Variants in SLC2A7 observed in about 807,000 individuals in gnomAD.
SLC2A7 encodes solute carrier family 2, facilitated glucose transporter member 7.
SLC2A7 carries 50 observed loss-of-function variants against 50.5 expected under a neutral mutation model. The ratio of observed to expected loss-of-function variants is 0.99; its 90% CI spans 0.79 to 1.25. The LOEUF is 1.25. Among genes scored for constraint, SLC2A7 ranks in the 50% most tolerant of loss-of-function variants. SLC2A7 has a pLI of 0.00. For synonymous variants in SLC2A7, 308 were observed against 300.4 expected (o/e 1.03, Z -0.26); for missense variants, 683 against 679.1 (o/e 1.01, Z -0.06).
In SLC2A7 at chr1:9,014,807, C is replaced by T. The variant is rs1281315744; in HGVS notation, c.777G>A (p.Glu259=). The T allele has an allele frequency of 6.2e-7, 1 of 1,604,622 alleles. No homozygotes were observed. The highest frequency in any genetic ancestry group is 8.5e-7 in the Non-Finnish European group (1 of 1,176,564). ...GGCCCTCGGCGCGCTCGGCCCGGGC[C>T]TCCGCACGCATGTCCTCCAGCTCGG... ...MEAELEDMRA[E]ARAERAEGHL... Residue 259 remains glutamate (E), a synonymous_variant, in exon 7 of 12, where the codon GAG becomes GAA. Coordinates refer to ENST00000400906, the MANE Select transcript of SLC2A7 (RefSeq NM_207420.3).
chr1:9,024,603 C>A (rs1303466616), intron 2 of SLC2A7, among the ~76,000 whole-genome samples: 1 of 152,100 alleles, frequency 6.6e-6, no homozygotes, highest in African/African-American at 2.4e-5. Context: ...CTTTTTTCCC[C>A]TTTGCCCCAA....
the SLC2A7 span, among the ~76,000 whole-genome samples, chr1:8,997,896 T>G: frequency 2.0e-5 from 3 of 152,348 alleles, no homozygotes; most frequent in African/African-American, 7.2e-5. Flanking sequence ...GTGCTTTTAG[T>G]GTGTTGTGTA....
At chr1:9,020,699 T>G in intron 3 of SLC2A7, among the ~76,000 whole-genome samples, 1 of 143,948 alleles carries the variant, frequency 6.9e-6, no homozygotes, top group Non-Finnish European at 1.5e-5. Context: ...TGAGATGGAG[T>G]CTTGCTCTGT....
chr1:9,013,837 G>A (rs1021265250), intron 7 of SLC2A7, among the ~76,000 whole-genome samples: 1 of 152,170 alleles, frequency 6.6e-6, no homozygotes, highest in Non-Finnish European at 1.5e-5. Flanking sequence ...GGAATCCAGG[G>A]TCGCAGCTCC....
At chr1:9,024,061 G>A (rs1468787104) in intron 2 of SLC2A7, among the ~76,000 whole-genome samples, 1 of 151,746 alleles carries the variant, frequency 6.6e-6, no homozygotes, top group Non-Finnish European at 1.5e-5. Flanking sequence ...TCACCATGTT[G>A]GCCAGGCTGG....
the SLC2A7 span, among the ~76,000 whole-genome samples, chr1:8,995,379 C>T: frequency 2.7e-5 from 4 of 150,874 alleles, no homozygotes; most frequent in East Asian, 2.0e-4. Context: ...ACCCGGGAGG[C>T]GGAACTTGCA....
chr1:9,017,008 G>A (rs1640840430), intron 5 of SLC2A7, among the ~76,000 whole-genome samples: 1 of 152,048 alleles, frequency 6.6e-6, no homozygotes, highest in South Asian at 2.1e-4. Context: ...CAGGATTCCT[G>A]GGCAGGTCAT....
intron 5 of SLC2A7, 45 bp from the exon 6 acceptor site, chr1:9,015,287 CT>C (rs746929310): frequency 7.2e-6 from 11 of 1,525,212 alleles, no homozygotes; most frequent in Non-Finnish European, 9.6e-6. Flanking sequence ...TGGGCACCCC[CT>C]GGCCCACCTA....
At chr1:9,009,229 G>C (rs1640705131) in intron 9 of SLC2A7, among the ~76,000 whole-genome samples, 1 of 152,238 alleles carries the variant, frequency 6.6e-6, no homozygotes, top group Non-Finnish European at 1.5e-5. Flanking sequence ...AAAGGGCTCA[G>C]GACAGTGCTG....
chr1:9,019,872 C>T (rs1416251869), intron 3 of SLC2A7, among the ~76,000 whole-genome samples: 2 of 151,732 alleles, frequency 1.3e-5, no homozygotes, highest in African/African-American at 4.8e-5. Flanking sequence ...TGCAGTGAGC[C>T]GAGATCGTGC....
chr1:9,001,339 C>G (rs1018213177), downstream of SLC2A7, among the ~76,000 whole-genome samples: 1 of 151,824 alleles, frequency 6.6e-6, no homozygotes, highest in African/African-American at 2.4e-5. Flanking sequence ...CAATACGGTT[C>G]CAGCCTTATC....
intron 8 of SLC2A7, among the ~76,000 whole-genome samples, chr1:9,010,925 C>A (rs924765545): frequency 6.6e-6 from 1 of 152,208 alleles, no homozygotes; most frequent in Non-Finnish European, 1.5e-5. Context: ...GCAAACAAAC[C>A]GCTGTCTGGG....
chr1:9,007,769 C>T (rs1375732504), intron 9 of SLC2A7, among the ~76,000 whole-genome samples: 13 of 150,058 alleles, frequency 8.7e-5, no homozygotes, highest in African/African-American at 1.7e-4. Context: ...GACAGAGTCT[C>T]GCTCTGTCGC....
intron 5 of SLC2A7, 123 bp from the exon 6 acceptor site, chr1:9,015,365 G>C (rs1269229692): frequency 4.0e-6 from 5 of 1,262,334 alleles, no homozygotes; most frequent in Non-Finnish European, 5.3e-6. Context: ...ATTCTCACCA[G>C]GGTACTCCTA....
At position 9,010,130 on chromosome 1, in the gene SLC2A7, A is replaced by C; in HGVS notation, c.1116+13T>G. 6.4e-7 allele frequency: 1 copy of C among 1,551,140 alleles called. No individual in the cohort carries two copies. The highest frequency in any genetic ancestry group is 1.2e-5 in the South Asian group (1 of 84,044). On this transcript the variant is annotated intron_variant, in intron 9 of 11. Transcript: ENST00000400906. Reference sequence around the variant, plus strand: ...ATGACTCCCCACCCAGGGGGCAGGAAATGAGGTCAGACCTGGAATAGGAGC... The same window carrying C: ...ATGACTCCCCACCCAGGGGGCAGGACATGAGGTCAGACCTGGAATAGGAGC...
Position 9,022,965 on chromosome 1 carries a change from G to C in SLC2A7, c.264C>G (p.Gly88=), listed in dbSNP as rs755635507. ...SCTVSMFPLG[G]LLGSLLVGLL... Reference sequence around the variant, plus strand: ...GGCCCACGAGCAATGACCCCAACAGGCCGCCCAGAGGAAACATGGAGACGG... The same window carrying C: ...GGCCCACGAGCAATGACCCCAACAGCCCGCCCAGAGGAAACATGGAGACGG... Residue 88 remains glycine, a synonymous_variant, in exon 3 of 12, where the codon GGC becomes GGG. Transcript: ENST00000400906. 4 of 1,614,170 alleles carry C rather than the reference G, an allele frequency of 2.5e-6. No individual in the cohort carries two copies. Among genetic ancestry groups the C allele is most frequent in the Non-Finnish European group, 3.4e-6 (4 of 1,180,028 alleles).
intron 11 of SLC2A7, 48 bp downstream of exon 11, chr1:9,004,704 C>T (rs1380527763): frequency 6.2e-7 from 1 of 1,607,474 alleles, no homozygotes; most frequent in East Asian, 2.2e-5. Context: ...ATACATCTTA[C>T]TCCCTGGAGG....
At position 9,007,405 on chromosome 1, in the gene SLC2A7, T is replaced by G; in HGVS notation, c.1117-20A>C. ...CCTGTTCTGTGGGGAGAGGCAGGGC[T>G]GTCTGGGCTGAGGCCAGGAGCCCCA... On this transcript the variant is annotated intron_variant, in intron 9 of 11. Coordinates refer to ENST00000400906, the MANE Select transcript of SLC2A7 (RefSeq NM_207420.3). The G allele has an allele frequency of 6.2e-7, 1 of 1,613,358 alleles. No individual in the cohort carries two copies. Among genetic ancestry groups the G allele is most frequent in the Non-Finnish European group, 8.5e-7 (1 of 1,179,590 alleles).
intron 9 of SLC2A7, among the ~76,000 whole-genome samples, chr1:9,009,086 G>A (rs1287045233): frequency 6.6e-6 from 1 of 152,294 alleles, no homozygotes; most frequent in East Asian, 1.9e-4. Flanking sequence ...GGTGGTTAAG[G>A]ACAAGTCATT....
Sources: allele counts gnomAD v4.1 joint callset (sites outside exome capture counted in the v4.1 genomes callset), GRCh38; gene constraint gnomAD v4.1.1; transcripts MANE v1.5; gene names NCBI Gene and HGNC (gene_info 2026-07-23, HGNC 2026-07-21).